TANGO6: variants seen among roughly 807,000 people sequenced by gnomAD.
The protein encoded by TANGO6 is transport and golgi organization 6 homolog, also known as transport and Golgi organization protein 6 homolog.
A neutral mutation model predicts 114.2 loss-of-function variants in TANGO6; 90 were observed. That is an observed-to-expected ratio of 0.79 (90% CI 0.66 to 0.94). TANGO6 has a LOEUF of 0.94. Among genes scored for constraint, TANGO6 ranks in the 40% least tolerant of loss-of-function variants. The pLI, the probability that TANGO6 is intolerant of heterozygous loss-of-function variation, is 0.00. For synonymous variants in TANGO6, 477 were observed against 509.8 expected (o/e 0.94, Z 0.87); for missense variants, 1,274 against 1,315.3 (o/e 0.97, Z 0.49).
chr16:68,931,006 T>G (rs1333229449), intron 14 of TANGO6, among the ~76,000 whole-genome samples: 1 of 152,226 alleles, frequency 6.6e-6, no homozygotes, highest in Non-Finnish European at 1.5e-5. Flanking sequence ...AAATATTTTC[T>G]TATCAAAAAA....
At position 69,083,814 on chromosome 16, in the gene TANGO6, G is replaced by A. The variant is rs1960501701; in HGVS notation, c.*153G>A. 1.3e-6 allele frequency: 1 copy of A among 763,212 alleles called. No homozygotes were observed. Among genetic ancestry groups the A allele is most frequent in the Non-Finnish European group, 2.1e-6 (1 of 487,004 alleles). 47.3% of individuals were successfully genotyped at this position (763,212 alleles called of 1,614,324 possible). A position where few individuals can be genotyped will look rare whatever the true frequency, so the allele number is the denominator to read the frequency against. Reference sequence around the variant, plus strand: ...TGGTGCAGGTCACTTGGGTCTTCAGGGTCCCTTCCGAGGGCATGTGTTCAG... The same window carrying A: ...TGGTGCAGGTCACTTGGGTCTTCAGAGTCCCTTCCGAGGGCATGTGTTCAG... On this transcript the variant is annotated 3_prime_UTR_variant, in exon 18 of 18. Coordinates refer to ENST00000261778, the MANE Select transcript of TANGO6 (RefSeq NM_024562.2).
chr16:68,976,638 A>G lies in TANGO6; in HGVS notation c.2842+2470A>G, dbSNP rs372289697. Among the ~76,000 whole-genome samples the G allele has an allele frequency of 1.1e-4, 17 of 152,226 alleles. No homozygotes were observed. The East Asian group carries it at 2.5e-3, about 22-fold the overall frequency. Reference sequence around the variant, plus strand: ...ACTTAACCATTAGCTGTCACACTGAATATCACTAGAAGCCTTAAAATAAGG... The same window carrying G: ...ACTTAACCATTAGCTGTCACACTGAGTATCACTAGAAGCCTTAAAATAAGG... On this transcript the variant is annotated intron_variant, in intron 15 of 17. Transcript: ENST00000261778.
intron 10 of TANGO6, 55 bp downstream of exon 10, chr16:68,907,630 C>A (rs1251292862): frequency 1.3e-6 from 2 of 1,514,158 alleles, no homozygotes; most frequent in Non-Finnish European, 1.8e-6. Flanking sequence ...TTCCAGGAAA[C>A]CCTTAGAATT....
At chr16:68,998,196 C>G (rs879567327) in intron 15 of TANGO6, among the ~76,000 whole-genome samples, 6 of 152,162 alleles carry the variant, frequency 3.9e-5, no homozygotes, top group Non-Finnish European at 5.9e-5. Context: ...AATATGAGGT[C>G]ATGCCCAGAA....
At chr16:68,892,495 T>C (rs1315458820) in intron 7 of TANGO6, among the ~76,000 whole-genome samples, 1 of 151,318 alleles carries the variant, frequency 6.6e-6, no homozygotes, top group East Asian at 1.9e-4. Context: ...CACGGGTAAG[T>C]GGAGGTTCAG....
At chr16:68,883,546 A>G (rs1962494451) in intron 7 of TANGO6, among the ~76,000 whole-genome samples, 1 of 152,200 alleles carries the variant, frequency 6.6e-6, no homozygotes, top group Non-Finnish European at 1.5e-5. Context: ...TCATCAGTAA[A>G]TGGACATTTA....
At chr16:68,863,094 C>G in intron 3 of TANGO6, 33 bp downstream of exon 3, 1 of 1,303,372 alleles carries the variant, frequency 7.7e-7, no homozygotes, top group Non-Finnish European at 1.0e-6. Context: ...GGGGGTGACT[C>G]ATTAATGATA....
intron 17 of TANGO6, among the ~76,000 whole-genome samples, chr16:69,059,499 C>T (rs1470931835): frequency 6.6e-6 from 1 of 151,926 alleles, no homozygotes; most frequent in Non-Finnish European, 1.5e-5. Context: ...AGCCACCGCG[C>T]CTGGCCACTT....
At chr16:69,070,132 C>G (rs988929547) in intron 17 of TANGO6, among the ~76,000 whole-genome samples, 6 of 151,192 alleles carry the variant, frequency 4.0e-5, no homozygotes, top group Non-Finnish European at 7.4e-5. Context: ...CACTTGAACC[C>G]AGGAAGCGGA....
intron 7 of TANGO6, among the ~76,000 whole-genome samples, chr16:68,896,553 T>G (rs1962708288): frequency 6.6e-6 from 1 of 151,820 alleles, no homozygotes; most frequent in South Asian, 2.1e-4. Context: ...ACAAGTGATC[T>G]TCCCACCTCA....
chr16:68,872,601 C>T (rs557129231), intron 4 of TANGO6, among the ~76,000 whole-genome samples: 14 of 151,684 alleles, frequency 9.2e-5, no homozygotes, highest in African/African-American at 3.4e-4. Context: ...CGCCCACAGC[C>T]GGTTCTGTTG....
intron 15 of TANGO6, among the ~76,000 whole-genome samples, chr16:68,988,000 A>G (rs61172961): frequency 0.18 from 27,671 of 151,988 alleles, 4,070 homozygotes; most frequent in African/African-American, 0.4. Flanking sequence ...AATTGGGCTA[A>G]TTATCTTCTT....
chr16:69,065,968 TAGAG>T (rs1206360346), intron 17 of TANGO6, among the ~76,000 whole-genome samples: 3 of 152,312 alleles, frequency 2.0e-5, no homozygotes, highest in South Asian at 2.1e-4. Context: ...CCCATTATCT[TAGAG>T]AGGCCACTCG....
intron 17 of TANGO6, among the ~76,000 whole-genome samples, chr16:69,058,529 C>T (rs1000156709): frequency 2.0e-5 from 3 of 152,186 alleles, no homozygotes; most frequent in Non-Finnish European, 4.4e-5. Flanking sequence ...CAAACCCAGG[C>T]TATCTTATTG....
chr16:69,005,416 G>T (rs2152222406), intron 15 of TANGO6, among the ~76,000 whole-genome samples: 1 of 152,328 alleles, frequency 6.6e-6, no homozygotes, highest in South Asian at 2.1e-4. Context: ...GGAGGCTGCA[G>T]TCAGGCTCCC....
chr16:68,925,766 C>A (rs770928122), intron 12 of TANGO6, among the ~76,000 whole-genome samples: 1 of 151,856 alleles, frequency 6.6e-6, no homozygotes, highest in Non-Finnish European at 1.5e-5. Flanking sequence ...GGTTTATGAT[C>A]CATTTCAAGT....
At chr16:68,967,429 G>A (rs563723736) in intron 14 of TANGO6, among the ~76,000 whole-genome samples, 5 of 152,238 alleles carry the variant, frequency 3.3e-5, no homozygotes, top group East Asian at 1.9e-4. Flanking sequence ...GTGTGGTCCC[G>A]TTCCTAACAG....
chr16:69,021,808 G>C (rs932493678), intron 15 of TANGO6, among the ~76,000 whole-genome samples: 11 of 151,768 alleles, frequency 7.2e-5, no homozygotes, highest in African/African-American at 2.4e-4. Flanking sequence ...ATTATAGTTG[G>C]GCTGGGTTTG....
intron 17 of TANGO6, among the ~76,000 whole-genome samples, chr16:69,068,224 A>T (rs1015784470): frequency 2.0e-5 from 3 of 152,002 alleles, no homozygotes; most frequent in African/African-American, 7.2e-5. Context: ...GGATCACCTG[A>T]GCTTCAAGGC....
Sources: allele counts gnomAD v4.1 joint callset (sites outside exome capture counted in the v4.1 genomes callset), GRCh38; gene constraint gnomAD v4.1.1; transcripts MANE v1.5; gene names NCBI Gene and HGNC (gene_info 2026-07-23, HGNC 2026-07-21).